The following ADGB variants were observed in gnomAD, a reference collection of about 807,000 sequenced individuals.
ADGB encodes calpain-7-like protein.
Under a neutral mutation model 210.5 loss-of-function variants are expected in ADGB, and 172 were observed. The observed-to-expected ratio is 0.82, with a 90% CI of 0.72 to 0.93. The LOEUF (loss-of-function observed/expected upper bound fraction) is 0.93, where lower values mean the gene tolerates loss of function less well. Among genes scored for constraint, ADGB ranks in the 40% least tolerant of loss-of-function variants. ADGB has a pLI of 0.00. For synonymous variants in ADGB, 658 were observed against 662.7 expected, an observed-to-expected ratio of 0.99 and a Z score of 0.11; for missense variants, 2,025 against 1,964.8, an observed-to-expected ratio of 1.03 and a Z score of -0.58.
intron 26 of ADGB, among the ~76,000 whole-genome samples, chr6:146,752,107 G>A (rs1468254917): frequency 6.6e-6 from 1 of 152,086 alleles, no homozygotes; most frequent in Non-Finnish European, 1.5e-5. Context: ...AAGAAAAGAG[G>A]TTTAATTGGC....
intron 33 of ADGB, among the ~76,000 whole-genome samples, chr6:146,796,547 C>T (rs1178272718): frequency 6.6e-6 from 1 of 152,036 alleles, no homozygotes; most frequent in African/African-American, 2.4e-5. Context: ...AATAGAGAAC[C>T]CAGAAATAAA....
At chr6:146,808,668 C>A (rs1778250400) in intron 35 of ADGB, among the ~76,000 whole-genome samples, 1 of 152,150 alleles carries the variant, frequency 6.6e-6, no homozygotes, top group African/African-American at 2.4e-5. Flanking sequence ...TTTTACTTAT[C>A]CTTTCTACTG....
intron 29 of ADGB, among the ~76,000 whole-genome samples, chr6:146,778,254 A>G (rs1777749316): frequency 6.6e-6 from 1 of 152,102 alleles, no homozygotes; most frequent in African/African-American, 2.4e-5. Flanking sequence ...GTTACCTCAT[A>G]TTTGGGTTAG....
intron 13 of ADGB, among the ~76,000 whole-genome samples, chr6:146,713,195 A>T (rs1014688348): frequency 6.6e-6 from 1 of 152,234 alleles, no homozygotes; most frequent in African/African-American, 2.4e-5. Flanking sequence ...CCTTTTAGAT[A>T]TCATGAATAA....
At chr6:146,742,978 A>T (rs2114600624) in intron 25 of ADGB, among the ~76,000 whole-genome samples, 1 of 152,256 alleles carries the variant, frequency 6.6e-6, no homozygotes, top group Admixed American at 6.5e-5. Context: ...GGGAAGCCAA[A>T]TATTGGAAAC....
chr6:146,756,708 C>T (rs1316258479), intron 27 of ADGB, among the ~76,000 whole-genome samples: 4 of 151,666 alleles, frequency 2.6e-5, no homozygotes, highest in African/African-American at 4.8e-5. Flanking sequence ...ACTACCCACT[C>T]GACATCAACA....
chr6:146,751,523 A>G (rs1448963593), intron 26 of ADGB, among the ~76,000 whole-genome samples: 6 of 152,008 alleles, frequency 3.9e-5, no homozygotes, highest in Admixed American at 3.9e-4. Flanking sequence ...GTCAAATGGT[A>G]TTTCTGGTTC....
At chr6:146,790,390 A>G (rs1777937349) in intron 33 of ADGB, among the ~76,000 whole-genome samples, 1 of 151,990 alleles carries the variant, frequency 6.6e-6, no homozygotes, top group African/African-American at 2.4e-5. Context: ...CCTAATATCT[A>G]TATCTACAAG....
At chr6:146,609,898 G>A (rs1411796394) in intron 1 of ADGB, among the ~76,000 whole-genome samples, 2 of 151,946 alleles carry the variant, frequency 1.3e-5, no homozygotes, top group African/African-American at 4.8e-5. Context: ...TATTATTTAG[G>A]GGTAGGTGAC....
At chr6:146,697,547 A>T (rs2114539765) in intron 12 of ADGB, among the ~76,000 whole-genome samples, 1 of 152,288 alleles carries the variant, frequency 6.6e-6, no homozygotes, top group African/African-American at 2.4e-5. Context: ...CACATTAGAT[A>T]CAGACTAAAG....
intron 13 of ADGB, among the ~76,000 whole-genome samples, chr6:146,713,425 G>GT (rs55780458): frequency 0.3 from 45,200 of 151,920 alleles, 9,279 homozygotes; most frequent in African/African-American, 0.59. Context: ...ATTGTTTATG[G>GT]TAGCCACCCT....
Position 146,599,057 on chromosome 6 carries a change from C to A in ADGB, c.17C>A (p.Thr6Asn). 2 of 1,551,682 alleles carry A rather than the reference C, an allele frequency of 1.3e-6. No individual in the cohort carries two copies. Among genetic ancestry groups the A allele is most frequent in the Non-Finnish European group, 1.7e-6 (2 of 1,146,992 alleles). Residue 6 changes from threonine (T) to asparagine (N), a missense_variant, in exon 1 of 36, where the codon ACC (threonine) becomes AAC (asparagine). Physicochemically the swap from Thr to Asn is moderately conservative, Grantham distance 65. Coordinates refer to ENST00000397944, the MANE Select transcript of ADGB (RefSeq NM_024694.4). Reference sequence around the variant, plus strand: ...GCTTCTGCCATGGCCTCCAAACAAACCAAAAAGAAAGAGGTGCATCGTATC... The same window carrying A: ...GCTTCTGCCATGGCCTCCAAACAAAACAAAAAGAAAGAGGTGCATCGTATC... Reference protein sequence around the residue: MASKQTKKKEVHRINS... With the variant: MASKQNKKKEVHRINS...
chr6:146,604,956 T>C (rs1780610613), intron 1 of ADGB, among the ~76,000 whole-genome samples: 1 of 152,118 alleles, frequency 6.6e-6, no homozygotes, highest in South Asian at 2.1e-4. Flanking sequence ...TTCTGTCTAA[T>C]AGCCACTCTT....
intron 9 of ADGB, among the ~76,000 whole-genome samples, chr6:146,677,960 C>G (rs1047325720): frequency 1.3e-5 from 2 of 152,156 alleles, no homozygotes; most frequent in Non-Finnish European, 2.9e-5. Flanking sequence ...TTTGTTAATT[C>G]TTACATGTGC....
At chr6:146,619,464 C>G (rs1780858477) in intron 1 of ADGB, among the ~76,000 whole-genome samples, 2 of 151,984 alleles carry the variant, frequency 1.3e-5, no homozygotes, top group Admixed American at 6.6e-5. Context: ...CACCCTCTTA[C>G]TGTATTTCTT....
chr6:146,662,355 T>C (rs940041527), intron 5 of ADGB, among the ~76,000 whole-genome samples: 2 of 152,276 alleles, frequency 1.3e-5, no homozygotes, highest in African/African-American at 4.8e-5. Flanking sequence ...ATTCGTAATT[T>C]CTATTGATCT....
At chr6:146,781,533 C>T (rs1052840216) in intron 29 of ADGB, among the ~76,000 whole-genome samples, 4 of 150,886 alleles carry the variant, frequency 2.7e-5, no homozygotes, top group Non-Finnish European at 5.9e-5. Flanking sequence ...GCTACAAATG[C>T]TTGTATTACA....
intron 33 of ADGB, among the ~76,000 whole-genome samples, chr6:146,796,058 C>T (rs1352627835): frequency 1.3e-5 from 2 of 151,850 alleles, no homozygotes; most frequent in Admixed American, 6.6e-5. Context: ...CCAGTAGCAA[C>T]CAAACTGAGA....
At chr6:146,620,568 G>A (rs941089164) in intron 1 of ADGB, among the ~76,000 whole-genome samples, 1 of 151,372 alleles carries the variant, frequency 6.6e-6, no homozygotes, top group African/African-American at 2.4e-5. Flanking sequence ...AATATCTGTT[G>A]TTGAAGCTTT....
Sources: gnomAD v4.1 joint callset for allele counts (sites outside exome capture counted in the v4.1 genomes callset) on GRCh38, gnomAD v4.1.1 for gene constraint, MANE v1.5 for transcripts, NCBI Gene and HGNC (gene_info 2026-07-23, HGNC 2026-07-21) for gene names.